Variants in TNC observed in about 807,000 individuals in gnomAD.
The protein encoded by TNC is tenascin C.
A neutral mutation model predicts 202.4 loss-of-function variants in TNC; 109 were observed. The observed-to-expected ratio is 0.54, with a 90% CI of 0.46 to 0.63. The LOEUF is 0.63. Ranked by LOEUF, TNC falls within the 30% of genes least tolerant of loss-of-function variation. The probability of loss-of-function intolerance (pLI) is 0.00; values close to 1 mark genes in which losing one functional copy is unlikely to be tolerated. For missense variants in TNC, 2,756 were observed against 2,833.3 expected (o/e 0.97, Z 0.62); for synonymous variants, 1,007 against 1,089.7 (o/e 0.92, Z 1.50).
chr9:115,061,776 T>C (rs1364912204), intron 13 of TNC, among the ~76,000 whole-genome samples: 3 of 152,246 alleles, frequency 2.0e-5, no homozygotes, highest in African/African-American at 7.2e-5. Context: ...TAGCCCTTTT[T>C]GAAGCTATTT....
rs756388311 is a variant in TNC, at chr9:115,036,048, T to G, written c.5656+50A>C. 14 of 1,607,508 alleles carry G rather than the reference T, an allele frequency of 8.7e-6. No homozygotes were observed. The East Asian group carries it at 1.1e-4, about 13-fold the overall frequency. On this transcript the variant is annotated intron_variant, in intron 21 of 27. Coordinates refer to ENST00000350763, the MANE Select transcript of TNC (RefSeq NM_002160.4). ...CGGTTCCTGTTTAAGATGCAGGCTG[T>G]GGGTGGGCACCCCAGAAGGGAGAGC...
chr9:115,083,486 T>C (rs1485856857), intron 4 of TNC, among the ~76,000 whole-genome samples: 3 of 152,236 alleles, frequency 2.0e-5, no homozygotes, highest in Admixed American at 6.5e-5. Flanking sequence ...TACTCCTTGT[T>C]AGCTGCATGA....
intron 23 of TNC, 29 bp from the exon 24 acceptor site, chr9:115,030,434 C>G (rs772493241): frequency 1.2e-6 from 2 of 1,601,378 alleles, no homozygotes; most frequent in Non-Finnish European, 1.7e-6. Flanking sequence ...TGGTGATGCT[C>G]TCAGTGCAGG....
At chr9:115,058,587 C>G (rs1832306291) in intron 14 of TNC, among the ~76,000 whole-genome samples, 1 of 152,184 alleles carries the variant, frequency 6.6e-6, no homozygotes, top group African/African-American at 2.4e-5. Context: ...ATTTCAGGGT[C>G]ACCGTCCTGG....
At chr9:115,041,309 CG>C (rs958971198) in intron 18 of TNC, among the ~76,000 whole-genome samples, 3 of 132,304 alleles carry the variant, frequency 2.3e-5, no homozygotes, top group African/African-American at 8.8e-5. Flanking sequence ...CCAGGAGGGG[CG>C]GGGGAAAACA....
intron 1 of TNC, among the ~76,000 whole-genome samples, chr9:115,106,711 T>C (rs1422060130): frequency 6.6e-6 from 1 of 152,190 alleles, no homozygotes; most frequent in Admixed American, 6.5e-5. Flanking sequence ...CTATCATTTC[T>C]GGAAAACTGG....
chr9:115,095,887 A>T (rs1835755142), intron 1 of TNC, among the ~76,000 whole-genome samples: 1 of 151,844 alleles, frequency 6.6e-6, no homozygotes. Context: ...GGATCTGGTA[A>T]GTCAATGATT....
chr9:115,091,253 T>G (rs1835209923), intron 1 of TNC, 99 bp from the exon 2 acceptor site: 1 of 524,318 alleles, frequency 1.9e-6, no homozygotes, highest in Admixed American at 3.4e-5. Flanking sequence ...TCCCTGTATT[T>G]GAAGCTCTCC....
Position 115,078,189 on chromosome 9 carries a change from C to G in TNC, c.2428G>C (p.Glu810Gln). The change falls in exon 7 of 28, where the codon GAG becomes CAG. Residue 810 changes from glutamate (E) to glutamine (Q), a missense_variant. By Grantham distance (29) the Glu-to-Gln change is conservative. Coordinates refer to ENST00000350763, the MANE Select transcript of TNC (RefSeq NM_002160.4). ...GTGGTGTCTGTGACATCTTTCACCT[C>G]GATCTGGCTGGGGGCATCCAAGCCT... ...TTRLDAPSQI[E>Q]VKDVTDTTAL... 1 of 1,609,154 alleles carries G rather than the reference C, an allele frequency of 6.2e-7. No homozygotes were observed.
At chr9:115,079,071 G>A (rs1013808119) in intron 6 of TNC, among the ~76,000 whole-genome samples, 13 of 152,016 alleles carry the variant, frequency 8.6e-5, no homozygotes, top group Non-Finnish European at 1.3e-4. Flanking sequence ...AATATCATAC[G>A]TGTCTCATTG....
Position 115,086,409 on chromosome 9 carries a change from T to C in TNC, c.1322A>G (p.Asn441Ser), listed in dbSNP as rs142220270. Residue 441 changes from asparagine (N) to serine (S), a missense_variant, in exon 3 of 28, where the codon AAT becomes AGT. Around this residue, in one of 2 missense-constraint regions of TNC, gnomAD observed 2,559 missense variants for 2,546.0 expected, o/e 1.01. Coordinates refer to ENST00000350763, the MANE Select transcript of TNC (RefSeq NM_002160.4). Reference protein sequence around the residue: ...GEDCSQLRCPNDCHSRGRCVE... With the variant: ...GEDCSQLRCPSDCHSRGRCVE... ...ACAGCGGCCCCGACTGTGACAGTCA[T>C]TGGGGCACCGTAGCTGGCTGCAGTC... 6.6e-4 allele frequency: 1,065 copies of C among 1,613,590 alleles called. 11 individuals carry two copies. The highest frequency in any genetic ancestry group is 5.1e-3 in the African/African-American group (379 of 74,842).
chr9:115,090,241 T>C (rs960403654), intron 2 of TNC, among the ~76,000 whole-genome samples: 10 of 152,038 alleles, frequency 6.6e-5, no homozygotes, highest in Admixed American at 5.9e-4. Context: ...ACTCATAGGT[T>C]TTGGGGTAGA....
At chr9:115,053,330 G>A (rs1831852957) in intron 15 of TNC, among the ~76,000 whole-genome samples, 2 of 152,292 alleles carry the variant, frequency 1.3e-5, no homozygotes, top group African/African-American at 4.8e-5. Context: ...GTAGATTGGA[G>A]TAACGTGAAG....
At chr9:115,030,509 GGT>G in intron 23 of TNC, 104 bp from the exon 24 acceptor site, 1 of 1,305,752 alleles carries the variant, frequency 7.7e-7, no homozygotes, top group Non-Finnish European at 1.0e-6. Context: ...GGAATTTCCA[GGT>G]GCAATAATGT....
chr9:115,019,711 C>A lies in TNC; in HGVS notation c.*1446G>T, dbSNP rs1828951318. 6.6e-6 allele frequency: 1 copy of A among 152,166 alleles called. No individual in the cohort carries two copies. The highest frequency in any genetic ancestry group is 2.4e-5 in the African/African-American group (1 of 41,424). The allele number at this position is 152,166 out of a possible 1,614,324, so 9.4% of individuals were successfully genotyped here. On this transcript the variant is annotated 3_prime_UTR_variant, in exon 28 of 28. Transcript: ENST00000350763. The stretch of plus-strand genomic sequence containing the variant: ...CTAGCACTTAATATACACCGGGTAC[C>A]ATTCTAAGGGCCTCAAATGGATAAC...
intron 15 of TNC, among the ~76,000 whole-genome samples, chr9:115,051,232 T>C (rs1001191281): frequency 1.3e-5 from 2 of 152,130 alleles, no homozygotes; most frequent in African/African-American, 4.8e-5. Context: ...AGAAGTCAAG[T>C]TGAGTGAATG....
chr9:115,049,247 C>T (rs535969025), intron 15 of TNC, among the ~76,000 whole-genome samples: 6 of 152,194 alleles, frequency 3.9e-5, no homozygotes, highest in Non-Finnish European at 5.9e-5. Context: ...CATGTATGTC[C>T]CAGGCATTCT....
chr9:115,117,357 A>AC lies in TNC; in HGVS notation c.-137+624dup, dbSNP rs1588265387. On this transcript the variant is annotated intron_variant, in intron 1 of 27. Coordinates refer to ENST00000350763, the MANE Select transcript of TNC (RefSeq NM_002160.4). ...ATGTGGGACGCTGCTGGCTCTAGGC[A>AC]CCCCAGTAAAGCTGTTCTCCACCAC... Among the ~76,000 whole-genome samples, 4 of 152,002 alleles carry AC rather than the reference A, an allele frequency of 2.6e-5. No individual in the cohort carries two copies. In the East Asian group the frequency reaches 7.7e-4, roughly 29 times the overall value.
In TNC at chr9:115,046,555, C is replaced by A; in HGVS notation, c.4980G>T (p.Gln1660His). Residue 1660 changes from glutamine (Q) to histidine (H), a missense_variant, in exon 17 of 28, where the codon CAG becomes CAT. By Grantham distance (24) the Gln-to-His change is conservative (BLOSUM62 0). Around this residue, in one of 2 missense-constraint regions of TNC, gnomAD observed 2,559 missense variants for 2,546.0 expected, o/e 1.01. Coordinates refer to ENST00000350763, the MANE Select transcript of TNC (RefSeq NM_002160.4). ...GTAGGGTTATTTCCAGTGGCTCAGACTGCTTTTTGGTATCTCTGATTTTGA... is the reference window on the plus strand; with the variant it reads ...GTAGGGTTATTTCCAGTGGCTCAGAATGCTTTTTGGTATCTCTGATTTTGA... The part of the protein sequence containing the change: ...FVLKIRDTKK[Q>H]SEPLEITLLA... 1 of 1,614,102 alleles carries A rather than the reference C, an allele frequency of 6.2e-7. No individual in the cohort carries two copies. The highest frequency in any genetic ancestry group is 8.5e-7 in the Non-Finnish European group (1 of 1,180,004).
Sources: gnomAD v4.1 joint callset for allele counts (sites outside exome capture counted in the v4.1 genomes callset) on GRCh38, gnomAD v4.1.1 for gene constraint, gnomAD v4.1.1 regional missense constraint, MANE v1.5 for transcripts, NCBI Gene and HGNC (gene_info 2026-07-23, HGNC 2026-07-21) for gene names.